CCDC73: variants seen among roughly 807,000 people sequenced by gnomAD.
CCDC73 encodes the protein coiled-coil domain-containing protein 73.
A neutral mutation model predicts 116.5 loss-of-function variants in CCDC73; 95 were observed. That is an observed-to-expected ratio of 0.82 (90% CI 0.69 to 0.97). The LOEUF is 0.97. Ranked by LOEUF, CCDC73 falls within the 50% of genes least tolerant of loss-of-function variation. The probability of loss-of-function intolerance (pLI) is 0.00; values close to 1 mark genes in which losing one functional copy is unlikely to be tolerated. For synonymous variants in CCDC73, 398 were observed against 401.3 expected (o/e 0.99, Z 0.10); for missense variants, 1,066 against 1,206.8 (o/e 0.88, Z 1.73).
intron 1 of CCDC73, among the ~76,000 whole-genome samples, chr11:32,786,390 TA>T (rs1417633017): frequency 3.6e-5 from 4 of 112,070 alleles, no homozygotes; most frequent in African/African-American, 5.9e-5. Context: ...ATTATTTATA[TA>T]ATTATAATAT....
intron 9 of CCDC73, among the ~76,000 whole-genome samples, chr11:32,670,162 C>G (rs1856022718): frequency 6.6e-6 from 1 of 152,124 alleles, no homozygotes; most frequent in Non-Finnish European, 1.5e-5. Context: ...TTTTGATTTT[C>G]CTATATTTTT....
chr11:32,670,926 T>G (rs1461509201), intron 9 of CCDC73, among the ~76,000 whole-genome samples: 2 of 152,128 alleles, frequency 1.3e-5, no homozygotes, highest in Non-Finnish European at 2.9e-5. Flanking sequence ...TTCTTTTTCT[T>G]TTATATATTA....
At chr11:32,715,827 T>G (rs1849940209) in intron 3 of CCDC73, among the ~76,000 whole-genome samples, 1 of 152,210 alleles carries the variant, frequency 6.6e-6, no homozygotes, top group Non-Finnish European at 1.5e-5. Context: ...ACAACTTATC[T>G]GAGACAATAG....
chr11:32,823,473 C>A, the CCDC73 span, among the ~76,000 whole-genome samples: 2 of 150,972 alleles, frequency 1.3e-5, no homozygotes, highest in Admixed American at 6.6e-5. Context: ...GACTCTGTCT[C>A]AAAAATAAAC....
At chr11:32,624,696 A>C (rs1417241847) in intron 14 of CCDC73, among the ~76,000 whole-genome samples, 1 of 152,256 alleles carries the variant, frequency 6.6e-6, no homozygotes, top group African/African-American at 2.4e-5. Context: ...AGGATTATAA[A>C]TCATGCTACT....
At chr11:32,756,956 A>T (rs1850349518) in intron 2 of CCDC73, among the ~76,000 whole-genome samples, 1 of 152,184 alleles carries the variant, frequency 6.6e-6, no homozygotes, top group African/African-American at 2.4e-5. Context: ...CTTATCACAC[A>T]TGCCTGCAAA....
intron 14 of CCDC73, among the ~76,000 whole-genome samples, chr11:32,633,801 A>G (rs1466426468): frequency 6.6e-6 from 1 of 152,208 alleles, no homozygotes; most frequent in Non-Finnish European, 1.5e-5. Flanking sequence ...CCAGAAAGAA[A>G]GCAGTTGTTC....
the CCDC73 span, among the ~76,000 whole-genome samples, chr11:32,827,373 T>C: frequency 6.6e-6 from 1 of 152,330 alleles, no homozygotes; most frequent in South Asian, 2.1e-4. Flanking sequence ...TAGGACTCAA[T>C]GTTACAGGGA....
At chr11:32,779,988 A>T (rs1223721774) in intron 1 of CCDC73, among the ~76,000 whole-genome samples, 1 of 152,192 alleles carries the variant, frequency 6.6e-6, no homozygotes, top group Non-Finnish European at 1.5e-5. Context: ...TTAAAATAAC[A>T]CGAGGTTGGG....
chr11:32,823,643 A>G, the CCDC73 span, among the ~76,000 whole-genome samples: 1 of 152,114 alleles, frequency 6.6e-6, no homozygotes, highest in South Asian at 2.1e-4. Flanking sequence ...AAAAAAGTAG[A>G]AGTTCTGATA....
intron 1 of CCDC73, among the ~76,000 whole-genome samples, chr11:32,774,471 A>G (rs1029020228): frequency 2.0e-5 from 3 of 152,296 alleles, no homozygotes; most frequent in Non-Finnish European, 4.4e-5. Flanking sequence ...TGTTTAATTT[A>G]AAGTTCTAAA....
intron 17 of CCDC73, among the ~76,000 whole-genome samples, chr11:32,610,305 G>T (rs566274054): frequency 3.3e-5 from 5 of 152,116 alleles, no homozygotes; most frequent in Admixed American, 2.6e-4. Context: ...ATTTGGGTGG[G>T]GACAAAGCCA....
At chr11:32,717,631 G>A (rs940186401) in intron 3 of CCDC73, among the ~76,000 whole-genome samples, 2 of 152,016 alleles carry the variant, frequency 1.3e-5, no homozygotes. Flanking sequence ...AATTAACTTG[G>A]CAATAAGGAT....
the CCDC73 span, among the ~76,000 whole-genome samples, chr11:32,821,817 A>T: frequency 1.3e-5 from 2 of 152,230 alleles, no homozygotes; most frequent in African/African-American, 4.8e-5. Context: ...TGTGCAAGCT[A>T]GTAAAATTTC....
At chr11:32,770,754 C>A (rs1335479461) in intron 1 of CCDC73, among the ~76,000 whole-genome samples, 1 of 151,922 alleles carries the variant, frequency 6.6e-6, no homozygotes, top group African/African-American at 2.4e-5. Flanking sequence ...TGTAAACTGA[C>A]TTTTTTTTAG....
intron 9 of CCDC73, among the ~76,000 whole-genome samples, chr11:32,671,023 G>T (rs1441788826): frequency 6.6e-6 from 1 of 152,064 alleles, no homozygotes; most frequent in Non-Finnish European, 1.5e-5. Context: ...TGATTTTATA[G>T]ACTTTATAAG....
intron 2 of CCDC73, among the ~76,000 whole-genome samples, chr11:32,753,385 C>T (rs1300991429): frequency 6.6e-6 from 1 of 151,248 alleles, no homozygotes; most frequent in Admixed American, 6.6e-5. Context: ...GCAGCCTTGA[C>T]CTTCTGGCAA....
At chr11:32,800,818 A>T in the CCDC73 span, among the ~76,000 whole-genome samples, 1 of 152,244 alleles carries the variant, frequency 6.6e-6, no homozygotes, top group Admixed American at 6.5e-5. Flanking sequence ...AGTAGATAGT[A>T]TAACCATTTA....
chr11:32,785,597 C>T (rs1358594928), intron 1 of CCDC73, among the ~76,000 whole-genome samples: 8 of 151,780 alleles, frequency 5.3e-5, no homozygotes. Context: ...GACAGACAGG[C>T]TATCACTATG....
Sources: allele counts gnomAD v4.1 joint callset (sites outside exome capture counted in the v4.1 genomes callset), GRCh38; gene constraint gnomAD v4.1.1; transcripts MANE v1.5; gene names NCBI Gene and HGNC (gene_info 2026-07-23, HGNC 2026-07-21).